The following MPP7 variants were observed in gnomAD, a reference collection of about 807,000 sequenced individuals.
MPP7 encodes MAGUK p55 subfamily member 7.
In MPP7, 60 loss-of-function variants were observed where a neutral mutation model predicts 76.5. The observed-to-expected ratio is 0.78, with a 90% CI of 0.64 to 0.97. The LOEUF (loss-of-function observed/expected upper bound fraction) is 0.97. Ranked by LOEUF, MPP7 falls within the 50% of genes least tolerant of loss-of-function variation. The pLI, the probability that MPP7 is intolerant of heterozygous loss-of-function variation, is 0.00. For synonymous variants in MPP7, 237 were observed against 244.5 expected (o/e 0.97, Z 0.29); for missense variants, 641 against 694.0 (o/e 0.92, Z 0.86).
rs1211102205 is a variant in MPP7, at chr10:28,262,272, TATA to T, written c.-131-23540_-131-23538del. Among the ~76,000 whole-genome samples, 16 of 61,172 alleles carry T rather than the reference TATA, an allele frequency of 2.6e-4. 1 individual carries two copies. Among genetic ancestry groups the T allele is most frequent in the South Asian group, 5.7e-4 (1 of 1,750 alleles). The allele number at this position is 61,172 out of a possible 152,430, so 40.1% of individuals were successfully genotyped here. A position where few individuals can be genotyped will look rare whatever the true frequency, so the allele number is the denominator to read the frequency against. On this transcript the variant is annotated intron_variant, in intron 1 of 16. Transcript: ENST00000683449. ...ATATATATATATGTATATATATATA[TATA>T]TATTTTTTTTTTTTTCTTCACCATG...
chr10:28,094,975 T>C (rs1301474157), intron 11 of MPP7, among the ~76,000 whole-genome samples: 1 of 151,908 alleles, frequency 6.6e-6, no homozygotes, highest in Non-Finnish European at 1.5e-5. Flanking sequence ...AATAAATAAG[T>C]TTAAAAAATA....
upstream of MPP7, among the ~76,000 whole-genome samples, chr10:28,304,070 T>C (rs936250211): frequency 9.9e-5 from 15 of 151,922 alleles, no homozygotes; most frequent in African/African-American, 3.6e-4. Flanking sequence ...GAGGGAATCA[T>C]CAGAAAAAAA....
At chr10:28,160,230 G>T (rs528185367) in intron 3 of MPP7, among the ~76,000 whole-genome samples, 2 of 152,126 alleles carry the variant, frequency 1.3e-5, no homozygotes, top group African/African-American at 4.8e-5. Context: ...ACAGCTACTT[G>T]TCCTCTGCTA....
chr10:28,130,177 A>G (rs1416382091), intron 6 of MPP7, among the ~76,000 whole-genome samples: 1 of 152,172 alleles, frequency 6.6e-6, no homozygotes, highest in Non-Finnish European at 1.5e-5. Context: ...TATTAGATAG[A>G]ATATATTCTA....
At chr10:28,184,161 T>C (rs1837148797) in intron 3 of MPP7, among the ~76,000 whole-genome samples, 1 of 146,142 alleles carries the variant, frequency 6.8e-6, no homozygotes, top group South Asian at 2.1e-4. Context: ...ATTATCTTAG[T>C]ATATATTAAG....
Position 28,328,756 on chromosome 10 carries a change from T to A in MPP7, c.-132+1173A>T, listed in dbSNP as rs1382855312. Among the ~76,000 whole-genome samples, 4 of 152,174 alleles carry A rather than the reference T, an allele frequency of 2.6e-5. No homozygotes were observed. In the East Asian group the frequency reaches 7.7e-4, roughly 29 times the overall value. ...CATTTTCTGTATAGCTGGCACAGATTTTGTATAAATTCAGCTTTGTTTAAT... is the reference window on the plus strand; with the variant it reads ...CATTTTCTGTATAGCTGGCACAGATATTGTATAAATTCAGCTTTGTTTAAT... On this transcript the variant is annotated intron_variant, in intron 2 of 11. Transcript: ENST00000441595.
intron 3 of MPP7, among the ~76,000 whole-genome samples, chr10:28,171,140 G>A (rs1836666891): frequency 6.6e-6 from 1 of 152,076 alleles, no homozygotes; most frequent in Non-Finnish European, 1.5e-5. Context: ...AGCATCGAGG[G>A]TACAGAAAGG....
chr10:28,109,579 C>G (rs544808459), intron 11 of MPP7, among the ~76,000 whole-genome samples: 1 of 151,930 alleles, frequency 6.6e-6, no homozygotes, highest in South Asian at 2.1e-4. Context: ...TGTGTCCAGC[C>G]CATTGAGCCT....
Position 28,177,827 on chromosome 10 carries a change from G to A in MPP7, c.156+24326C>T, listed in dbSNP as rs143974176. ...GAGACAATTTGACCCAGGGAACACTGTCATGCTGGCGGATCAGGGATGCCA... is the reference window on the plus strand; with the variant it reads ...GAGACAATTTGACCCAGGGAACACTATCATGCTGGCGGATCAGGGATGCCA... On this transcript the variant is annotated intron_variant, in intron 3 of 16. Transcript: ENST00000683449. Among the ~76,000 whole-genome samples the A allele has an allele frequency of 3.5e-3, 539 of 152,290 alleles. 4 individuals are homozygous for A. Among genetic ancestry groups the A allele is most frequent in the African/African-American group, 0.012 (509 of 41,554 alleles).
chr10:28,221,706 A>G (rs1037509102), intron 2 of MPP7, among the ~76,000 whole-genome samples: 1 of 152,206 alleles, frequency 6.6e-6, no homozygotes, highest in Non-Finnish European at 1.5e-5. Flanking sequence ...AAATTTGTCA[A>G]GAAGAAACAA....
chr10:28,196,670 G>A (rs1250658507), intron 3 of MPP7, among the ~76,000 whole-genome samples: 2 of 152,126 alleles, frequency 1.3e-5, no homozygotes, highest in Admixed American at 6.5e-5. Context: ...CTTCCAACCC[G>A]CAATGGCCTG....
At chr10:28,314,509 G>A (rs926576907) in intron 2 of MPP7, among the ~76,000 whole-genome samples, 4 of 152,330 alleles carry the variant, frequency 2.6e-5, no homozygotes, top group East Asian at 1.9e-4. Context: ...TAGCTTCCGC[G>A]TATGTTCACT....
rs983231904 is a variant in MPP7 at position 28,051,505 on chromosome 10, T to G, written c.*2560A>C. ...TACAGAATTTACTTTTTGGTCTTGA[T>G]TTTTAAATATATGAATTTTAAAAAG... On this transcript the variant is annotated 3_prime_UTR_variant, in exon 17 of 17. Coordinates refer to ENST00000683449, the MANE Select transcript of MPP7 (RefSeq NM_001318170.2). 1 of 152,216 alleles carries G rather than the reference T, an allele frequency of 6.6e-6. No homozygotes were observed. Among genetic ancestry groups the G allele is most frequent in the African/African-American group, 2.4e-5 (1 of 41,456 alleles). 9.4% of individuals were successfully genotyped at this position (152,216 alleles called of 1,614,324 possible). A position where few individuals can be genotyped will look rare whatever the true frequency, so the allele number is the denominator to read the frequency against.
At chr10:28,187,850 A>G in intron 3 of MPP7, among the ~76,000 whole-genome samples, 1 of 152,334 alleles carries the variant, frequency 6.6e-6, no homozygotes, top group African/African-American at 2.4e-5. Context: ...TCTTTTTAAA[A>G]TACCTTGACT....
At chr10:28,197,373 G>A (rs1837620635) in intron 3 of MPP7, among the ~76,000 whole-genome samples, 1 of 151,992 alleles carries the variant, frequency 6.6e-6, no homozygotes, top group Non-Finnish European at 1.5e-5. Context: ...AGTAGAGACA[G>A]GGTTTCACCA....
chr10:28,133,488 T>C (rs138312496), intron 5 of MPP7, among the ~76,000 whole-genome samples: 50 of 152,310 alleles, frequency 3.3e-4, no homozygotes, highest in African/African-American at 1.2e-3. Context: ...CCTTCATACA[T>C]GTCCATAATT....
At chr10:28,313,871 TTTTTA>T (rs1402169187) in intron 2 of MPP7, among the ~76,000 whole-genome samples, 1,081 of 83,632 alleles carry the variant, frequency 0.013, 93 homozygotes, top group African/African-American at 0.049. Context: ...TTTTTTATTT[TTTTTA>T]TTTTTTTTTG....
chr10:28,278,144 G>T (rs1247082225), intron 1 of MPP7, among the ~76,000 whole-genome samples: 1 of 151,974 alleles, frequency 6.6e-6, no homozygotes, highest in Non-Finnish European at 1.5e-5. Flanking sequence ...ACCAAAAAAA[G>T]AAAAATAAAG....
chr10:28,294,679 T>A (rs1012077453), intron 1 of MPP7, among the ~76,000 whole-genome samples: 1 of 152,250 alleles, frequency 6.6e-6, no homozygotes, highest in Admixed American at 6.5e-5. Flanking sequence ...AAATTTTCTG[T>A]CTTTGCTTCA....
Sources: allele counts gnomAD v4.1 joint callset (sites outside exome capture counted in the v4.1 genomes callset), GRCh38; gene constraint gnomAD v4.1.1; transcripts MANE v1.5; gene names NCBI Gene and HGNC (gene_info 2026-07-23, HGNC 2026-07-21).